FNBP4: variants seen among roughly 807,000 people sequenced by gnomAD.
The protein encoded by FNBP4 is formin binding protein 4, also known as formin-binding protein 4.
In FNBP4, 34 loss-of-function variants were observed where a neutral mutation model predicts 119.3. The ratio of observed to expected loss-of-function variants is 0.28; its 90% CI spans 0.22 to 0.38. The LOEUF (loss-of-function observed/expected upper bound fraction) is 0.38, where lower values mean the gene tolerates loss of function less well. Among genes scored for constraint, FNBP4 ranks in the 10% least tolerant of loss-of-function variants. The pLI is 1.00. For synonymous variants in FNBP4, 462 were observed against 430.6 expected (o/e 1.07, Z -0.90); for missense variants, 1,112 against 1,228.9 (o/e 0.90, Z 1.42).
intron 2 of FNBP4, among the ~76,000 whole-genome samples, chr11:47,759,509 C>G (rs751273758): frequency 6.6e-6 from 1 of 152,010 alleles, no homozygotes; most frequent in Non-Finnish European, 1.5e-5. Flanking sequence ...CCATGGCGCC[C>G]GGCCCAATTT....
chr11:47,730,406 C>T (rs919102311), intron 12 of FNBP4, among the ~76,000 whole-genome samples: 15 of 152,150 alleles, frequency 9.9e-5, no homozygotes, highest in African/African-American at 1.4e-4. Context: ...GACCTGCTGA[C>T]GATTTCTAGG....
rs773276798 is a variant in FNBP4, at chr11:47,767,283, C to G, written c.6G>C (p.Gly2=). The G allele has an allele frequency of 2.0e-6, 3 of 1,521,302 alleles. No homozygotes were observed. Among genetic ancestry groups the G allele is most frequent in the South Asian group, 2.5e-5 (2 of 81,236 alleles). 94.2% of individuals were successfully genotyped at this position (1,521,302 alleles called of 1,614,324 possible). M[G]KKSRAVPGRR... ...GGCCGGGTACCGCCCGGGACTTCTT[C>G]CCCATCGCGAGCCCAAGCGCGAGCA... Residue 2 remains glycine (G), a synonymous_variant, in exon 1 of 17, where the codon GGG becomes GGC. Transcript: ENST00000263773.
In FNBP4 at chr11:47,723,054, AGGT is replaced by A. The variant is rs762287139; in HGVS notation, c.2724_2726del (p.Pro918del). ...GTGGTGGTGGAGGAGGAGGAGGAGG[AGGT>A]GGTGGTGGTGGTTCTATAATGGTAG... is the stretch of plus-strand genomic sequence containing the variant. On this transcript the variant is annotated inframe_deletion, in exon 15 of 17. Transcript: ENST00000263773. 28 of 1,585,412 alleles carry A rather than the reference AGGT, an allele frequency of 1.8e-5. No homozygotes were observed. The highest frequency in any genetic ancestry group is 9.1e-5 in the East Asian group (4 of 43,886).
chr11:47,742,087 T>C (rs2097582870), intron 8 of FNBP4, among the ~76,000 whole-genome samples: 2 of 152,132 alleles, frequency 1.3e-5, no homozygotes, highest in African/African-American at 4.8e-5. Flanking sequence ...TCATATATGG[T>C]AAAATTTACA....
At chr11:47,746,441 C>A in intron 6 of FNBP4, 47 bp from the exon 7 acceptor site, 2 of 1,428,782 alleles carry the variant, frequency 1.4e-6, no homozygotes, top group South Asian at 2.7e-5. Context: ...TGAAACAAAT[C>A]TCACCTGCAC....
At chr11:47,740,219 A>C (rs1272830155) in intron 8 of FNBP4, among the ~76,000 whole-genome samples, 3 of 151,860 alleles carry the variant, frequency 2.0e-5, no homozygotes, top group African/African-American at 7.2e-5. Context: ...GTTCGAGATT[A>C]GCCTGGCCAA....
chr11:47,743,927 G>C lies in FNBP4; in HGVS notation c.1456+26C>G, dbSNP rs376154272. On this transcript the variant is annotated intron_variant, in intron 8 of 16. Coordinates refer to ENST00000263773, the MANE Select transcript of FNBP4 (RefSeq NM_015308.5). ...CTTCCCCTCTATATCTTTCAACTCT[G>C]AAGTTTAATGTGAAGCACAAATTAC... 4 of 1,600,632 alleles carry C rather than the reference G, an allele frequency of 2.5e-6. No individual in the cohort carries two copies. The African/African-American group carries it at 5.4e-5, about 21-fold the overall frequency.
intron 1 of FNBP4, 90 bp downstream of exon 1, chr11:47,766,979 C>G (rs965699880): frequency 7.0e-7 from 1 of 1,420,574 alleles, no homozygotes; most frequent in Non-Finnish European, 9.1e-7. Flanking sequence ...CCGACCTCGC[C>G]CGCCTCCCTC....
At chr11:47,736,857 TTTAC>T (rs1472141213) in intron 8 of FNBP4, 117 bp from the exon 9 acceptor site, 1 of 976,456 alleles carries the variant, frequency 1.0e-6, no homozygotes, top group Non-Finnish European at 1.5e-6. Flanking sequence ...TCTTGCCTGT[TTTAC>T]TTACTTGTTA....
chr11:47,766,704 C>T (rs1194870324), intron 1 of FNBP4, among the ~76,000 whole-genome samples: 1 of 152,258 alleles, frequency 6.6e-6, no homozygotes, highest in Non-Finnish European at 1.5e-5. Context: ...TGTGGAAAGG[C>T]CTGGCCCACA....
Position 47,724,016 on chromosome 11 carries a change from A to C in FNBP4, c.2464+12T>G, listed in dbSNP as rs2097558443. ...ATACATTGAGGAAAAACCACGCTCT[A>C]TGCACAATTACCTGTAGCTATAGCT... On this transcript the variant is annotated intron_variant, in intron 14 of 16. Transcript: ENST00000263773. 1 of 1,612,540 alleles carries C rather than the reference A, an allele frequency of 6.2e-7. No homozygotes were observed. The highest frequency in any genetic ancestry group is 1.3e-5 in the African/African-American group (1 of 74,972).
In FNBP4 at chr11:47,751,048, T is replaced by G. The variant is rs368286907; in HGVS notation, c.786-12A>C. 3 of 1,612,782 alleles carry G rather than the reference T, an allele frequency of 1.9e-6. No homozygotes were observed. The highest frequency in any genetic ancestry group is 2.5e-6 in the Non-Finnish European group (3 of 1,179,616). On this transcript the variant is annotated splice_polypyrimidine_tract_variant and intron_variant, in intron 5 of 16. Coordinates refer to ENST00000263773, the MANE Select transcript of FNBP4 (RefSeq NM_015308.5). The stretch of plus-strand genomic sequence containing the variant: ...CACCTGGCACAGAACTAAAAAAATA[T>G]ATACTTAGCAAGAGAAATATAAGAC...
chr11:47,724,234 C>A, intron 13 of FNBP4, 62 bp from the exon 14 acceptor site: 1 of 1,585,614 alleles, frequency 6.3e-7, no homozygotes, highest in Non-Finnish European at 8.6e-7. Flanking sequence ...CCCGCTCCCA[C>A]CTCCTTTTTT....
chr11:47,755,380 C>T (rs866402552), intron 2 of FNBP4, among the ~76,000 whole-genome samples: 8 of 151,886 alleles, frequency 5.3e-5, no homozygotes, highest in Middle Eastern at 3.4e-3. Context: ...ACTCGGGAGG[C>T]GGAGGTTGCG....
rs776545654 is a variant in FNBP4, at chr11:47,736,654, G to C, written c.1543C>G (p.Gln515Glu). The C allele has an allele frequency of 2.6e-5, 42 of 1,603,490 alleles. No homozygotes were observed. The South Asian group carries it at 4.3e-4, about 16-fold the overall frequency. ...VEESPEKIKV[Q>E]TTPKVEEEQD... ...TCTTCTTCTACTTTTGGTGTTGTCT[G>C]TACTTTTATTTTCTCTGGAGATTCT... Residue 515 changes from glutamine (Q) to glutamate (E), a missense_variant, in exon 9 of 17, where the codon CAG (glutamine) becomes GAG (glutamate). This residue lies in a region of FNBP4 where 826 missense variants were observed against 988.8 expected (regional missense o/e 0.84). Transcript: ENST00000263773.
chr11:47,727,251 CTTTT>C (rs56258205), intron 12 of FNBP4, among the ~76,000 whole-genome samples: 1 of 137,912 alleles, frequency 7.3e-6, no homozygotes, highest in Non-Finnish European at 1.6e-5. Context: ...TACTTTTCTT[CTTTT>C]TTTTTTTTTT....
chr11:47,720,115 A>G (rs201414032), intron 15 of FNBP4, 29 bp from the exon 16 acceptor site: 1 of 1,590,796 alleles, frequency 6.3e-7, no homozygotes, highest in Non-Finnish European at 8.6e-7. Context: ...GTCAAAAGGA[A>G]TAGAAAACAT....
intron 10 of FNBP4, among the ~76,000 whole-genome samples, 182 bp downstream of exon 10, chr11:47,733,843 A>C (rs1182790718): frequency 6.6e-6 from 1 of 152,182 alleles, no homozygotes; most frequent in Non-Finnish European, 1.5e-5. Flanking sequence ...GTGAGAAAAA[A>C]GTCTATTTAC....
In FNBP4 at chr11:47,767,054, C is replaced by G; in HGVS notation, c.220+15G>C. ...AGCCCTGAGCTCGAGTTCAGGTCCCCCCGCGCACCCTTGCCTTCTGAAGGC... is the reference window on the plus strand; with the variant it reads ...AGCCCTGAGCTCGAGTTCAGGTCCCGCCGCGCACCCTTGCCTTCTGAAGGC... On this transcript the variant is annotated intron_variant, in intron 1 of 16. Coordinates refer to ENST00000263773, the MANE Select transcript of FNBP4 (RefSeq NM_015308.5). 1 of 1,522,232 alleles carries G rather than the reference C, an allele frequency of 6.6e-7. No individual in the cohort carries two copies. The highest frequency in any genetic ancestry group is 8.8e-7 in the Non-Finnish European group (1 of 1,141,534). 94.3% of individuals were successfully genotyped at this position (1,522,232 alleles called of 1,614,324 possible).
Sources: gnomAD v4.1 joint callset for allele counts (sites outside exome capture counted in the v4.1 genomes callset) on GRCh38, gnomAD v4.1.1 for gene constraint, gnomAD v4.1.1 regional missense constraint, MANE v1.5 for transcripts, NCBI Gene and HGNC (gene_info 2026-07-23, HGNC 2026-07-21) for gene names.